Variants in MKLN1 observed in about 807,000 individuals in gnomAD.
MKLN1 encodes the protein muskelin 1.
Under a neutral mutation model 99.0 loss-of-function variants are expected in MKLN1, and 18 were observed. The observed-to-expected ratio is 0.18, with a 90% CI of 0.13 to 0.27. MKLN1 has a LOEUF of 0.27. Ranked by LOEUF, MKLN1 falls within the 10% of genes least tolerant of loss-of-function variation. The probability of loss-of-function intolerance (pLI) is 1.00; values close to 1 mark genes in which losing one functional copy is unlikely to be tolerated. For missense variants in MKLN1, 621 were observed against 875.9 expected (o/e 0.71, Z 3.67); for synonymous variants, 288 against 293.2 (o/e 0.98, Z 0.18).
intron 1 of MKLN1, among the ~76,000 whole-genome samples, chr7:131,356,007 A>G (rs1377980239): frequency 2.0e-5 from 3 of 151,638 alleles, no homozygotes; most frequent in Non-Finnish European, 4.4e-5. Context: ...TAGATTTACT[A>G]AAATATCGAG....
chr7:131,486,022 G>A (rs945096555), intron 17 of MKLN1, among the ~76,000 whole-genome samples: 3 of 151,980 alleles, frequency 2.0e-5, no homozygotes, highest in African/African-American at 7.2e-5. Context: ...GAGCCTATAG[G>A]GGGCAAAGCT....
At chr7:131,431,600 C>T (rs1283174939) in intron 9 of MKLN1, among the ~76,000 whole-genome samples, 2 of 152,204 alleles carry the variant, frequency 1.3e-5, no homozygotes, top group African/African-American at 4.8e-5. Flanking sequence ...CATGAGCAAT[C>T]CATCAATTTT....
chr7:131,411,604 T>C (rs1026828718), intron 7 of MKLN1, among the ~76,000 whole-genome samples: 1 of 151,512 alleles, frequency 6.6e-6, no homozygotes, highest in Non-Finnish European at 1.5e-5. Flanking sequence ...GAGACCTGTC[T>C]CTACAAAAAA....
chr7:131,477,375 G>T (rs892698158), intron 16 of MKLN1, among the ~76,000 whole-genome samples: 1 of 134,090 alleles, frequency 7.5e-6, no homozygotes, highest in Admixed American at 7.4e-5. Context: ...GTGAGACCTC[G>T]TCTCTACCAA....
At chr7:131,189,708 G>T (rs2116379447) in intron 2 of MKLN1, among the ~76,000 whole-genome samples, 1 of 152,290 alleles carries the variant, frequency 6.6e-6, no homozygotes, top group East Asian at 1.9e-4. Flanking sequence ...AGTAATAGCA[G>T]TAGTGAGTGG....
At chr7:131,354,581 G>T (rs1211436713) in intron 1 of MKLN1, among the ~76,000 whole-genome samples, 2 of 151,988 alleles carry the variant, frequency 1.3e-5, no homozygotes, top group Non-Finnish European at 1.5e-5. Context: ...AATAGGGATG[G>T]TTTCATTTCT....
At chr7:131,446,892 C>G (rs1248715464) in intron 12 of MKLN1, among the ~76,000 whole-genome samples, 1 of 152,102 alleles carries the variant, frequency 6.6e-6, no homozygotes, top group African/African-American at 2.4e-5. Flanking sequence ...AGCAACAAAG[C>G]AAGACCCTGT....
At position 131,478,469 on chromosome 7, in the gene MKLN1, T is replaced by C. The variant is rs569030293; in HGVS notation, c.2032-154T>C. ...TATATTCTGTAATCTGAATGTGTTCTTCTTGCCACTATTTGGTGAATAGAC... is the reference window on the plus strand; with the variant it reads ...TATATTCTGTAATCTGAATGTGTTCCTCTTGCCACTATTTGGTGAATAGAC... On this transcript the variant is annotated intron_variant, in intron 16 of 17. Coordinates refer to ENST00000352689, the MANE Select transcript of MKLN1 (RefSeq NM_013255.5). 32 of 611,386 alleles carry C rather than the reference T, an allele frequency of 5.2e-5. No individual in the cohort carries two copies. In the South Asian group the frequency reaches 1.4e-3, roughly 27 times the overall value. The allele number at this position is 611,386 out of a possible 1,614,324, so 37.9% of individuals were successfully genotyped here.
intron 1 of MKLN1, among the ~76,000 whole-genome samples, chr7:131,344,986 A>G (rs899079111): frequency 3.3e-5 from 5 of 151,942 alleles, no homozygotes; most frequent in African/African-American, 4.8e-5. Context: ...TTGTATTTTT[A>G]GTAAAGACGG....
In MKLN1 at chr7:131,192,112, T is replaced by C. The variant is rs868284597; in HGVS notation, c.-296-10745T>C. Among the ~76,000 whole-genome samples the C allele has an allele frequency of 7.0e-3, 555 of 79,658 alleles. 65 individuals carry two copies. Among genetic ancestry groups the C allele is most frequent in the African/African-American group, 0.025 (521 of 20,686 alleles). The allele number at this position is 79,658 out of a possible 152,430, so 52.3% of individuals were successfully genotyped here. ...TATATATATATGTATATATATATTA[T>C]ATATATACGTATATATATAAAAATA... is the stretch of plus-strand genomic sequence containing the variant. On this transcript the variant is annotated intron_variant, in intron 2 of 7. Transcript: ENST00000416992.
intron 17 of MKLN1, among the ~76,000 whole-genome samples, chr7:131,481,393 T>C (rs1413529034): frequency 6.6e-6 from 1 of 152,214 alleles, no homozygotes. Flanking sequence ...ACCATTACTA[T>C]TGACTGCCTT....
In MKLN1 at chr7:131,429,061, T is replaced by A; in HGVS notation, c.876T>A (p.Asp292Glu). The part of the protein sequence containing the change: ...TETVYLFGGW[D>E]GTQDLADFWA... ...CTGTTTATTTGTTTGGTGGCTGGGATGGAACACAAGATCTTGCTGACTTCT... is the reference window on the plus strand; with the variant it reads ...CTGTTTATTTGTTTGGTGGCTGGGAAGGAACACAAGATCTTGCTGACTTCT... The change falls in exon 9 of 18, where the codon GAT (aspartate) becomes GAA (glutamate). Residue 292 changes from aspartate to glutamate, a missense_variant. Transcript: ENST00000352689. 1 of 1,613,972 alleles carries A rather than the reference T, an allele frequency of 6.2e-7. No homozygotes were observed. Among genetic ancestry groups the A allele is most frequent in the Non-Finnish European group, 8.5e-7 (1 of 1,179,914 alleles).
At chr7:131,243,403 G>A (rs1797437021) in intron 3 of MKLN1, among the ~76,000 whole-genome samples, 1 of 152,124 alleles carries the variant, frequency 6.6e-6, no homozygotes, top group African/African-American at 2.4e-5. Context: ...CCTGGACTCT[G>A]CAAACTCAAA....
intron 1 of MKLN1, among the ~76,000 whole-genome samples, chr7:131,124,037 A>T (rs1417956462): frequency 2.0e-5 from 3 of 152,240 alleles, no homozygotes; most frequent in African/African-American, 7.2e-5. Context: ...TCCCAGCTGC[A>T]TGACCTTGGG....
intron 14 of MKLN1, among the ~76,000 whole-genome samples, chr7:131,465,243 A>G (rs1328328304): frequency 6.6e-6 from 1 of 152,112 alleles, no homozygotes; most frequent in Admixed American, 6.5e-5. Flanking sequence ...TAATTAAAAT[A>G]TTTAAATATT....
rs141545827 is a variant in MKLN1, at chr7:131,377,396, G to T, written c.168+1903G>T. On this transcript the variant is annotated intron_variant, in intron 2 of 17. Transcript: ENST00000352689. ...AGTGGATTTTTCATTTTAACTCATT[G>T]TGGTTATAATTTGCTTTTTCCTATT... is the stretch of plus-strand genomic sequence containing the variant. Among the ~76,000 whole-genome samples, 7 of 152,172 alleles carry T rather than the reference G, an allele frequency of 4.6e-5. No individual in the cohort carries two copies. In the East Asian group the frequency reaches 1.4e-3, roughly 29 times the overall value.
At chr7:131,187,816 C>G (rs1008592153) in intron 2 of MKLN1, among the ~76,000 whole-genome samples, 1 of 152,102 alleles carries the variant, frequency 6.6e-6, no homozygotes, top group Non-Finnish European at 1.5e-5. Flanking sequence ...ACTAGCCAGG[C>G]ATGGTGGCGC....
chr7:131,165,470 C>A (rs1462481386), intron 2 of MKLN1, among the ~76,000 whole-genome samples: 1 of 152,180 alleles, frequency 6.6e-6, no homozygotes, highest in Non-Finnish European at 1.5e-5. Context: ...CAGGCGTGAG[C>A]CACCACGCCC....
At position 131,419,043 on chromosome 7, in the gene MKLN1, A is replaced by G. The variant is rs1277350848; in HGVS notation, c.847+4333A>G. Among the ~76,000 whole-genome samples, 5 of 152,076 alleles carry G rather than the reference A, an allele frequency of 3.3e-5. No individual in the cohort carries two copies. In the East Asian group the frequency reaches 7.7e-4, roughly 24 times the overall value. On this transcript the variant is annotated intron_variant, in intron 8 of 17. Coordinates refer to ENST00000352689, the MANE Select transcript of MKLN1 (RefSeq NM_013255.5). ...CAACTTTCATGCCTTGGCATTCCCA[A>G]TCTTTTATTTCAGCTAGCTATTGCT... is the stretch of plus-strand genomic sequence containing the variant.
Sources: gnomAD v4.1 joint callset for allele counts (sites outside exome capture counted in the v4.1 genomes callset) on GRCh38, gnomAD v4.1.1 for gene constraint, MANE v1.5 for transcripts, NCBI Gene and HGNC (gene_info 2026-07-23, HGNC 2026-07-21) for gene names.